SMCO4: variants seen among roughly 807,000 people sequenced by gnomAD.
SMCO4 encodes the protein single-pass membrane and coiled-coil domain-containing protein 4.
A neutral mutation model predicts 3.6 loss-of-function variants in SMCO4; 4 were observed. The observed-to-expected ratio is 1.11, with a 90% CI of 0.54 to 2.53. SMCO4 has a LOEUF of 2.53. SMCO4 is among the 30% of genes most tolerant of loss of function. The pLI is 0.02. For missense variants in SMCO4, 70 were observed against 80.8 expected (o/e 0.87, Z 0.51); for synonymous variants, 36 against 35.3 (o/e 1.02, Z -0.07).
At chr11:93,549,927 A>G in the SMCO4 span, among the ~76,000 whole-genome samples, 2 of 151,548 alleles carry the variant, frequency 1.3e-5, no homozygotes, top group East Asian at 1.9e-4. Flanking sequence ...AAACAAAATT[A>G]TACCTATTCT....
At chr11:93,520,227 T>C (rs1949045460) in intron 1 of SMCO4, among the ~76,000 whole-genome samples, 1 of 152,208 alleles carries the variant, frequency 6.6e-6, no homozygotes, top group African/African-American at 2.4e-5. Flanking sequence ...CCAGGGCAAC[T>C]GTTAGCAACA....
chr11:93,519,282 G>GA (rs986813657), intron 1 of SMCO4, among the ~76,000 whole-genome samples: 4 of 151,960 alleles, frequency 2.6e-5, no homozygotes, highest in African/African-American at 9.7e-5. Flanking sequence ...TAAATTACAT[G>GA]AAAAAAAGAA....
At chr11:93,490,873 T>TAG (rs1948706745) in intron 2 of SMCO4, among the ~76,000 whole-genome samples, 2 of 152,210 alleles carry the variant, frequency 1.3e-5, no homozygotes, top group South Asian at 4.1e-4. Context: ...GAAAGACGAA[T>TAG]AGGATGCTGA....
chr11:93,529,962 T>A (rs772993582), intron 1 of SMCO4, among the ~76,000 whole-genome samples: 13 of 152,264 alleles, frequency 8.5e-5, no homozygotes, highest in Admixed American at 8.5e-4. Context: ...CACAGCCATC[T>A]ACTCACTGTC....
At chr11:93,546,286 C>T (rs2134648890), upstream of SMCO4, among the ~76,000 whole-genome samples, 1 of 152,288 alleles carries the variant, frequency 6.6e-6, no homozygotes, top group African/African-American at 2.4e-5. Flanking sequence ...TTTGAAAGTT[C>T]TTCATTGAAT....
intron 1 of SMCO4, among the ~76,000 whole-genome samples, chr11:93,509,688 A>G (rs1024504442): frequency 6.6e-6 from 1 of 152,210 alleles, no homozygotes; most frequent in African/African-American, 2.4e-5. Flanking sequence ...GGAACTGGAG[A>G]TCATTATTCT....
chr11:93,512,601 C>A (rs577468548), intron 1 of SMCO4, among the ~76,000 whole-genome samples: 5 of 152,328 alleles, frequency 3.3e-5, no homozygotes, highest in African/African-American at 1.2e-4. Flanking sequence ...TGTGTTATAA[C>A]TGCCTACAGT....
At chr11:93,535,614 T>C in intron 1 of SMCO4, 1 of 1,570,572 alleles carries the variant, frequency 6.4e-7, no homozygotes, top group Non-Finnish European at 8.8e-7. Context: ...TGGAGGGCTT[T>C]GAGCCTGCAG....
chr11:93,527,052 C>T (rs1469025266), intron 1 of SMCO4, among the ~76,000 whole-genome samples: 1 of 152,220 alleles, frequency 6.6e-6, no homozygotes, highest in Non-Finnish European at 1.5e-5. Context: ...ACAGAGCTCA[C>T]AAACCAACCT....
Position 93,479,205 on chromosome 11 carries a change from C to G in SMCO4, c.-16G>C. On this transcript the variant is annotated 5_prime_UTR_variant, in exon 3 of 3. Coordinates refer to ENST00000298966, the MANE Select transcript of SMCO4 (RefSeq NM_020179.3). ...GCTGCCGCATCTTTCCTAGAGGATG[C>G]TAGGAGGGTGTGTCCAGAGGGATTC... 1 of 1,611,310 alleles carries G rather than the reference C, an allele frequency of 6.2e-7. No individual in the cohort carries two copies. The highest frequency in any genetic ancestry group is 1.3e-5 in the African/African-American group (1 of 74,992).
chr11:93,519,708 T>G (rs896367835), intron 1 of SMCO4, among the ~76,000 whole-genome samples: 1 of 152,200 alleles, frequency 6.6e-6, no homozygotes, highest in South Asian at 2.1e-4. Flanking sequence ...GAAAAGCCAT[T>G]CCTTTCTCAT....
intron 1 of SMCO4, among the ~76,000 whole-genome samples, chr11:93,523,065 C>T (rs1949073463): frequency 6.6e-6 from 1 of 152,128 alleles, no homozygotes; most frequent in African/African-American, 2.4e-5. Flanking sequence ...CTATACTTGT[C>T]TAGGCTCAAA....
At chr11:93,482,980 A>G (rs1948609298) in intron 2 of SMCO4, among the ~76,000 whole-genome samples, 1 of 152,210 alleles carries the variant, frequency 6.6e-6, no homozygotes, top group Admixed American at 6.5e-5. Context: ...AAACCCTGAC[A>G]CTGAAAAAAG....
chr11:93,494,521 C>T (rs911318614), intron 2 of SMCO4, among the ~76,000 whole-genome samples: 2 of 152,188 alleles, frequency 1.3e-5, no homozygotes, highest in Non-Finnish European at 2.9e-5. Context: ...ATCCAACCGC[C>T]TGTGTCCATG....
chr11:93,519,340 G>C (rs1426334320), intron 1 of SMCO4, among the ~76,000 whole-genome samples: 1 of 152,218 alleles, frequency 6.6e-6, no homozygotes, highest in Non-Finnish European at 1.5e-5. Flanking sequence ...ACAAGACTGA[G>C]TCTTTGCATA....
At chr11:93,537,260 T>C (rs1949234608) in intron 1 of SMCO4, among the ~76,000 whole-genome samples, 1 of 152,226 alleles carries the variant, frequency 6.6e-6, no homozygotes, top group Non-Finnish European at 1.5e-5. Context: ...GCCAGGCTCC[T>C]GGGATTGCAG....
At chr11:93,539,801 T>C (rs143449444) in intron 1 of SMCO4, among the ~76,000 whole-genome samples, 55 of 152,272 alleles carry the variant, frequency 3.6e-4, no homozygotes, top group African/African-American at 1.3e-3. Context: ...AGCCAAATCC[T>C]GCATCTAACA....
At chr11:93,550,280 C>T in the SMCO4 span, among the ~76,000 whole-genome samples, 2 of 152,136 alleles carry the variant, frequency 1.3e-5, no homozygotes, top group Non-Finnish European at 2.9e-5. Flanking sequence ...TCTTCATGCT[C>T]TTCTAACTCC....
At chr11:93,535,864 C>T (rs1591330345) in intron 1 of SMCO4, 6 of 1,605,700 alleles carry the variant, frequency 3.7e-6, no homozygotes, top group East Asian at 4.6e-5. Context: ...CACTGAATTG[C>T]TATTTTTTCC....
Sources: allele counts gnomAD v4.1 joint callset (sites outside exome capture counted in the v4.1 genomes callset), GRCh38; gene constraint gnomAD v4.1.1; transcripts MANE v1.5; gene names NCBI Gene and HGNC (gene_info 2026-07-23, HGNC 2026-07-21).